Variants in CTNNA3 observed in about 807,000 individuals in gnomAD.
The protein encoded by CTNNA3 is catenin alpha 3.
Under a neutral mutation model 95.7 loss-of-function variants are expected in CTNNA3, and 76 were observed. The ratio of observed to expected loss-of-function variants is 0.79; its 90% confidence interval spans 0.66 to 0.96. CTNNA3 has a LOEUF of 0.96. Among genes scored for constraint, CTNNA3 ranks in the 40% least tolerant of loss-of-function variants. The pLI, the probability that CTNNA3 is intolerant of heterozygous loss-of-function variation, is 0.00. For missense variants in CTNNA3, 1,191 were observed against 1,089.8 expected (o/e 1.09, Z -1.31); for synonymous variants, 431 against 374.4 (o/e 1.15, Z -1.74).
intron 15 of CTNNA3, among the ~76,000 whole-genome samples, chr10:66,066,048 A>G (rs2080306161): frequency 1.3e-5 from 2 of 151,988 alleles, no homozygotes; most frequent in South Asian, 4.1e-4. Flanking sequence ...TTTTTAGTAG[A>G]GACAGGGTTT....
chr10:66,720,196 T>A (rs1658718991), intron 9 of CTNNA3, among the ~76,000 whole-genome samples: 1 of 147,530 alleles, frequency 6.8e-6, no homozygotes, highest in South Asian at 2.2e-4. Flanking sequence ...TAAAAAAAAA[T>A]GAAAGAGAGA....
chr10:67,537,076 A>G (rs770188695), intron 4 of CTNNA3, among the ~76,000 whole-genome samples: 1 of 152,170 alleles, frequency 6.6e-6, no homozygotes, highest in Admixed American at 6.5e-5. Context: ...TAATTGTTTT[A>G]CTACACATAC....
intron 5 of CTNNA3, among the ~76,000 whole-genome samples, chr10:67,331,840 A>T (rs1841806740): frequency 1.3e-5 from 2 of 152,240 alleles, no homozygotes; most frequent in East Asian, 1.9e-4. Flanking sequence ...CCTAAGGAAA[A>T]TTTCAAACAT....
chr10:66,170,997 G>A (rs1171512266), intron 13 of CTNNA3, among the ~76,000 whole-genome samples: 1 of 151,998 alleles, frequency 6.6e-6, no homozygotes, highest in African/African-American at 2.4e-5. Flanking sequence ...AGCAGGTGTG[G>A]TGGCAGGCAC....
chr10:66,172,659 T>A (rs2085497345), intron 13 of CTNNA3, among the ~76,000 whole-genome samples: 2 of 152,294 alleles, frequency 1.3e-5, no homozygotes, highest in South Asian at 2.1e-4. Flanking sequence ...AAGAAATACC[T>A]GTTTTATCAA....
intron 7 of CTNNA3, among the ~76,000 whole-genome samples, chr10:67,048,047 A>G (rs1341321727): frequency 2.0e-5 from 3 of 152,150 alleles, no homozygotes; most frequent in Non-Finnish European, 4.4e-5. Context: ...GAAATTTGCT[A>G]TCAGAAGTGA....
Position 67,177,392 on chromosome 10 carries a change from A to G in CTNNA3, c.1047+2925T>C, listed in dbSNP as rs549319378. 3.9e-5 allele frequency among the ~76,000 whole-genome samples: 6 copies of G among 152,286 alleles called. No individual in the cohort carries two copies. The South Asian group carries it at 1.0e-3, about 26-fold the overall frequency. On this transcript the variant is annotated intron_variant, in intron 7 of 17. Transcript: ENST00000433211. ...TTGCGGAACTGCTCTGGCTGGACGC[A>G]ACAGATTTGCAAAATTTAAGCCAAT... is the stretch of plus-strand genomic sequence containing the variant.
At chr10:67,255,412 A>G (rs1392850877) in intron 5 of CTNNA3, among the ~76,000 whole-genome samples, 2 of 152,196 alleles carry the variant, frequency 1.3e-5, no homozygotes, top group Non-Finnish European at 2.9e-5. Flanking sequence ...TAATATGCAG[A>G]AGGAAAATTA....
intron 1 of CTNNA3, among the ~76,000 whole-genome samples, chr10:67,669,026 G>A (rs898887793): frequency 1.3e-5 from 2 of 151,916 alleles, no homozygotes; most frequent in Admixed American, 6.6e-5. Context: ...TTTTAGTAGA[G>A]ATGGGGTTTC....
intron 6 of CTNNA3, among the ~76,000 whole-genome samples, chr10:67,216,490 C>G (rs146075392): frequency 6.6e-6 from 1 of 152,246 alleles, no homozygotes. Flanking sequence ...CTTTTCACTG[C>G]AAAATCACAA....
chr10:67,431,407 A>G (rs1846108194), intron 5 of CTNNA3, among the ~76,000 whole-genome samples: 1 of 152,036 alleles, frequency 6.6e-6, no homozygotes, highest in Non-Finnish European at 1.5e-5. Context: ...AAATGCTTTA[A>G]GAATAGGGAC....
chr10:66,926,335 C>A, intron 7 of CTNNA3: 2 of 528,820 alleles, frequency 3.8e-6, no homozygotes, highest in African/African-American at 1.9e-5. Flanking sequence ...CCATGAAGAT[C>A]CTATTACCTA....
intron 10 of CTNNA3, among the ~76,000 whole-genome samples, chr10:66,585,944 T>G (rs146673235): frequency 7.2e-5 from 11 of 152,294 alleles, no homozygotes; most frequent in Non-Finnish European, 1.3e-4. Flanking sequence ...TTAAAAAAAT[T>G]TTCCTCCTTG....
chr10:66,999,214 T>G (rs1009428398), intron 7 of CTNNA3, among the ~76,000 whole-genome samples: 1 of 152,128 alleles, frequency 6.6e-6, no homozygotes. Context: ...TTTCAAGAAT[T>G]TAAACATGAT....
intron 13 of CTNNA3, among the ~76,000 whole-genome samples, chr10:66,156,892 C>G (rs1368165254): frequency 2.0e-5 from 3 of 151,836 alleles, no homozygotes; most frequent in Non-Finnish European, 4.4e-5. Context: ...TTGAATAGGG[C>G]ATTGCCTTGT....
intron 5 of CTNNA3, among the ~76,000 whole-genome samples, chr10:67,377,333 C>T (rs1043424652): frequency 6.6e-6 from 1 of 152,098 alleles, no homozygotes; most frequent in Non-Finnish European, 1.5e-5. Flanking sequence ...TGAGAAGTCA[C>T]CAATAGGAAA....
intron 5 of CTNNA3, among the ~76,000 whole-genome samples, chr10:67,408,882 CAA>C (rs766212790): frequency 1.7e-3 from 161 of 97,214 alleles, no homozygotes; most frequent in Middle Eastern, 8.3e-3. Context: ...CTTAAATTTA[CAA>C]AAAAAAAAAA....
Position 67,707,703 on chromosome 10 carries a change from C to G in CTNNA3, c.-2+55731G>C, listed in dbSNP as rs151259928. On this transcript the variant is annotated intron_variant, in intron 1 of 17. Transcript: ENST00000684154. ...TATAATACAAGGTAAGCATCAATAG[C>G]TATAGGAATTAAAAGGAGGTAGGGA... Among the ~76,000 whole-genome samples the G allele has an allele frequency of 4.5e-3, 688 of 152,138 alleles. 5 individuals are homozygous for G. The highest frequency in any genetic ancestry group is 0.016 in the African/African-American group (649 of 41,518).
chr10:66,353,305 C>T (rs1417055076), intron 12 of CTNNA3, among the ~76,000 whole-genome samples: 3 of 151,934 alleles, frequency 2.0e-5, no homozygotes, highest in Admixed American at 6.6e-5. Context: ...ATTATAAAAC[C>T]AGTGACTGCT....
Sources: allele counts gnomAD v4.1 joint callset (sites outside exome capture counted in the v4.1 genomes callset), GRCh38; gene constraint gnomAD v4.1.1; transcripts MANE v1.5; gene names NCBI Gene and HGNC (gene_info 2026-07-23, HGNC 2026-07-21).